ZNF536: variants seen among roughly 807,000 people sequenced by gnomAD.
ZNF536 encodes the protein zinc finger protein 536.
Under a neutral mutation model 84.5 loss-of-function variants are expected in ZNF536, and 13 were observed. That is an observed-to-expected ratio of 0.15 (90% CI 0.10 to 0.24). ZNF536 has a LOEUF of 0.24. ZNF536 is among the 10% of genes least tolerant of loss of function. The pLI is 1.00. For synonymous variants in ZNF536, 811 were observed against 742.5 expected, an observed-to-expected ratio of 1.09 and a Z score of -1.50; for missense variants, 1,536 against 1,747.5, an observed-to-expected ratio of 0.88 and a Z score of 2.16.
intron 2 of ZNF536, among the ~76,000 whole-genome samples, chr19:30,350,047 A>G (rs2047884339): frequency 2.6e-5 from 4 of 151,648 alleles, no homozygotes; most frequent in African/African-American, 7.3e-5. Context: ...TACCTATCTG[A>G]GGTATATCAT....
intron 2 of ZNF536, among the ~76,000 whole-genome samples, chr19:30,289,305 T>C (rs2045751534): frequency 6.6e-6 from 1 of 152,242 alleles, no homozygotes; most frequent in Non-Finnish European, 1.5e-5. Context: ...GTTTATTATG[T>C]ATGCAAGTAT....
At chr19:30,501,911 A>G (rs1160431939) in intron 2 of ZNF536, among the ~76,000 whole-genome samples, 4 of 152,366 alleles carry the variant, frequency 2.6e-5, no homozygotes. Flanking sequence ...AACACTAGGC[A>G]TAAATGGGCT....
At chr19:30,580,147 G>T (rs571409126) in intron 1 of ZNF536, among the ~76,000 whole-genome samples, 3 of 152,136 alleles carry the variant, frequency 2.0e-5, no homozygotes, top group Non-Finnish European at 4.4e-5. Flanking sequence ...TTCACCCAGT[G>T]GTTCTGGTAT....
intron 2 of ZNF536, among the ~76,000 whole-genome samples, chr19:30,531,992 C>T (rs751207815): frequency 3.3e-5 from 5 of 152,168 alleles, no homozygotes; most frequent in Non-Finnish European, 7.3e-5. Context: ...TATAAGAGAA[C>T]ATGAGGACAT....
At chr19:30,590,664 T>A (rs963490070) in intron 1 of ZNF536, among the ~76,000 whole-genome samples, 13 of 152,096 alleles carry the variant, frequency 8.5e-5, no homozygotes, top group Non-Finnish European at 1.8e-4. Flanking sequence ...AGTGGAGATG[T>A]GGGGCAGAAG....
chr19:30,463,291 C>T (rs762476267), intron 2 of ZNF536, among the ~76,000 whole-genome samples: 34 of 152,166 alleles, frequency 2.2e-4, no homozygotes, highest in Non-Finnish European at 4.7e-4. Flanking sequence ...CCAAAACCTT[C>T]GCTCATCACT....
intron 1 of ZNF536, among the ~76,000 whole-genome samples, chr19:30,265,711 A>C (rs527287202): frequency 1.3e-5 from 2 of 151,914 alleles, no homozygotes; most frequent in Non-Finnish European, 2.9e-5. Flanking sequence ...TTTTTTCGTC[A>C]TGGTTCCAGC....
chr19:30,320,738 C>G (rs1007826929), intron 2 of ZNF536, among the ~76,000 whole-genome samples: 1 of 152,136 alleles, frequency 6.6e-6, no homozygotes, highest in Non-Finnish European at 1.5e-5. Context: ...ATTATCCAAA[C>G]GATTTCCAGA....
At chr19:30,293,871 C>T (rs2045917755) in intron 2 of ZNF536, among the ~76,000 whole-genome samples, 1 of 152,160 alleles carries the variant, frequency 6.6e-6, no homozygotes. Flanking sequence ...GTGGCAGTTG[C>T]TTTGTGCCTG....
At chr19:30,347,637 G>A (rs73536909) in intron 2 of ZNF536, among the ~76,000 whole-genome samples, 1,833 of 152,234 alleles carry the variant, frequency 0.012, 41 homozygotes, top group African/African-American at 0.042. Context: ...CAGCCACTGC[G>A]GCCCCTGCTC....
intron 1 of ZNF536, among the ~76,000 whole-genome samples, chr19:30,247,873 C>T (rs367878892): frequency 1.3e-5 from 2 of 152,224 alleles, no homozygotes; most frequent in South Asian, 2.1e-4. Flanking sequence ...ATTAGCAAAC[C>T]TTATTTATTG....
chr19:30,413,560 A>G (rs534746800), intron 1 of ZNF536, among the ~76,000 whole-genome samples: 20 of 152,176 alleles, frequency 1.3e-4, no homozygotes, highest in Admixed American at 2.6e-4. Flanking sequence ...AAGAATTCAT[A>G]TTTTCTGTTG....
At chr19:30,246,036 G>A (rs1489324752) in intron 1 of ZNF536, among the ~76,000 whole-genome samples, 2 of 152,326 alleles carry the variant, frequency 1.3e-5, no homozygotes, top group East Asian at 1.9e-4. Context: ...GGGCAGAGGC[G>A]TCGTGGAGAC....
At chr19:30,382,501 TATTTAGGG>T (rs2049059994) in intron 1 of ZNF536, among the ~76,000 whole-genome samples, 1 of 152,342 alleles carries the variant, frequency 6.6e-6, no homozygotes, top group Admixed American at 6.5e-5. Context: ...TGCACTTCTT[TATTTAGGG>T]ATACAGTTAA....
chr19:30,671,114 G>T (rs761953136), intron 1 of ZNF536, among the ~76,000 whole-genome samples: 4 of 152,238 alleles, frequency 2.6e-5, no homozygotes, highest in South Asian at 2.1e-4. Flanking sequence ...GAACAAGGAT[G>T]AATGCATCAT....
chr19:30,298,167 C>G (rs2046068654), intron 2 of ZNF536, among the ~76,000 whole-genome samples: 2 of 152,266 alleles, frequency 1.3e-5, no homozygotes, highest in South Asian at 4.1e-4. Context: ...TGTGAGCCAC[C>G]TCGCCTGGCC....
rs564495763 is a variant in ZNF536, at chr19:30,665,235, A to G, written c.170-45522A>G. 2.6e-5 allele frequency: 4 copies of G among 152,254 alleles called. No individual in the cohort carries two copies. In the South Asian group the frequency reaches 8.3e-4, roughly 32 times the overall value. 9.4% of individuals were successfully genotyped at this position (152,254 alleles called of 1,614,324 possible). A position where few individuals can be genotyped will look rare whatever the true frequency, so the allele number is the denominator to read the frequency against. ...GCACATGCCTGTAATCCCAGCTACT[A>G]GGGAGGCTGAAGAAGGAGAATCGCT... is the stretch of plus-strand genomic sequence containing the variant. On this transcript the variant is annotated intron_variant, in intron 1 of 1. Coordinates refer to the ZNF536 transcript ENST00000592773.
chr19:30,609,797 T>TCCAC (rs1019138225), intron 1 of ZNF536, among the ~76,000 whole-genome samples: 2 of 149,686 alleles, frequency 1.3e-5, no homozygotes, highest in African/African-American at 4.9e-5. Context: ...CATCCATCCA[T>TCCAC]CCATCCATCC....
chr19:30,334,345 C>T (rs1045281597), intron 2 of ZNF536, among the ~76,000 whole-genome samples: 1 of 152,194 alleles, frequency 6.6e-6, no homozygotes, highest in African/African-American at 2.4e-5. Flanking sequence ...AATTAATGAA[C>T]TTACCAACCC....
Sources: gnomAD v4.1 joint callset for allele counts (sites outside exome capture counted in the v4.1 genomes callset) on GRCh38, gnomAD v4.1.1 for gene constraint, MANE v1.5 for transcripts, NCBI Gene and HGNC (gene_info 2026-07-23, HGNC 2026-07-21) for gene names.